Variants in ZCCHC24 observed in about 807,000 individuals in gnomAD.
The protein encoded by ZCCHC24 is zinc finger CCHC domain-containing protein 24.
In ZCCHC24, 10 loss-of-function variants were observed where a neutral mutation model predicts 26.2. That is an observed-to-expected ratio of 0.38 (90% CI 0.24 to 0.65). ZCCHC24 has a LOEUF of 0.65. ZCCHC24 is among the 30% of genes least tolerant of loss of function. The probability of loss-of-function intolerance (pLI) is 0.54; values close to 1 mark genes in which losing one functional copy is unlikely to be tolerated. For synonymous variants in ZCCHC24, 144 were observed against 147.1 expected (o/e 0.98, Z 0.15); for missense variants, 243 against 329.1 (o/e 0.74, Z 2.03).
chr10:79,440,954 A>T (rs1376634058), intron 1 of ZCCHC24, among the ~76,000 whole-genome samples: 2 of 152,014 alleles, frequency 1.3e-5, no homozygotes, highest in African/African-American at 2.4e-5. Context: ...TTCTCAAATG[A>T]CGGTCCTCCT....
At chr10:79,430,679 A>AC (rs1857112368) in intron 2 of ZCCHC24, among the ~76,000 whole-genome samples, 3 of 107,158 alleles carry the variant, frequency 2.8e-5, no homozygotes, top group African/African-American at 4.2e-5. Flanking sequence ...ACACTCACAC[A>AC]CACACACCAC....
chr10:79,412,406 C>T lies in ZCCHC24; in HGVS notation c.448-17966G>A, dbSNP rs549813350. ...AGGGGCGGACATGCCCGTGTACACC[C>T]TCGCCCCTTGGCAGCCCCGCGTACG... On this transcript the variant is annotated intron_variant, in intron 2 of 3. Transcript: ENST00000372336. Among the ~76,000 whole-genome samples, 573 of 152,378 alleles carry T rather than the reference C, an allele frequency of 3.8e-3. 3 individuals carry two copies. The highest frequency in any genetic ancestry group is 5.2e-3 in the Non-Finnish European group (352 of 68,040).
intron 3 of ZCCHC24, 115 bp downstream of exon 3, chr10:79,394,157 GGAAA>G (rs2132177830): frequency 2.9e-6 from 4 of 1,379,120 alleles, no homozygotes; most frequent in South Asian, 2.9e-5. Context: ...GATGAGACAA[GGAAA>G]GAAAGGGTCA....
rs182174826 is a variant in ZCCHC24, at chr10:79,422,167, A to G, written c.447+10391T>C. 6.6e-5 allele frequency among the ~76,000 whole-genome samples: 10 copies of G among 152,288 alleles called. No homozygotes were observed. In the East Asian group the frequency reaches 1.9e-3, roughly 29 times the overall value. ...ACCATACCCCTCATCCTCTATCCCT[A>G]TGCCACTCAGCTCTGGGGTTCTGAG... is the stretch of plus-strand genomic sequence containing the variant. On this transcript the variant is annotated intron_variant, in intron 2 of 3. Coordinates refer to ENST00000372336, the MANE Select transcript of ZCCHC24 (RefSeq NM_153367.4).
intron 2 of ZCCHC24, among the ~76,000 whole-genome samples, chr10:79,420,098 T>C (rs1856917458): frequency 9.2e-6 from 1 of 108,362 alleles, no homozygotes; most frequent in African/African-American, 3.6e-5. Context: ...CAGCAGCTGC[T>C]CCTAGGCAAG....
At chr10:79,388,681 G>A (rs762068230) in intron 3 of ZCCHC24, among the ~76,000 whole-genome samples, 2 of 152,196 alleles carry the variant, frequency 1.3e-5, no homozygotes, top group Non-Finnish European at 2.9e-5. Flanking sequence ...AGGCCAAAAA[G>A]GCCAGACTCA....
chr10:79,432,721 T>C lies in ZCCHC24; in HGVS notation c.284A>G (p.Tyr95Cys), dbSNP rs1046481578. The C allele has an allele frequency of 4.3e-6, 7 of 1,610,194 alleles. No homozygotes were observed. Among genetic ancestry groups the C allele is most frequent in the Non-Finnish European group, 8.5e-7 (1 of 1,178,568 alleles). The change falls in exon 2 of 4, where the codon TAT (tyrosine) becomes TGT (cysteine). Residue 95 changes from tyrosine (Y) to cysteine (C), a missense_variant. Physicochemically the swap from Tyr to Cys is radical, Grantham distance 194 (BLOSUM62 -2). Coordinates refer to ENST00000372336, the MANE Select transcript of ZCCHC24 (RefSeq NM_153367.4). The stretch of plus-strand genomic sequence containing the variant: ...ATCGGCGATGTTGTTGAGGGAGCCA[T>C]AGGGTGAGGCGCCCTTGTACACACT... ...SNSVYKGASP[Y>C]GSLNNIADGL...
chr10:79,424,646 T>C (rs1344887527), intron 2 of ZCCHC24, among the ~76,000 whole-genome samples: 1 of 152,186 alleles, frequency 6.6e-6, no homozygotes, highest in Non-Finnish European at 1.5e-5. Context: ...TCTTTCAAAA[T>C]GCCAATCTGA....
intron 3 of ZCCHC24, 144 bp downstream of exon 3, chr10:79,394,132 T>C (rs2132177815): frequency 8.3e-7 from 1 of 1,201,726 alleles, no homozygotes; most frequent in East Asian, 2.5e-5. Flanking sequence ...TTCCCTTCCC[T>C]TCCCTCCCAT....
At chr10:79,440,831 C>T (rs1177550105) in intron 1 of ZCCHC24, among the ~76,000 whole-genome samples, 1 of 152,182 alleles carries the variant, frequency 6.6e-6, no homozygotes, top group East Asian at 1.9e-4. Flanking sequence ...GTCTGCTTTC[C>T]TCCCTCCCAC....
At chr10:79,387,008 C>T (rs993276277) in intron 3 of ZCCHC24, among the ~76,000 whole-genome samples, 5 of 152,218 alleles carry the variant, frequency 3.3e-5, no homozygotes, top group African/African-American at 9.6e-5. Flanking sequence ...ACTCGCAGCC[C>T]TGCTTGTGTG....
chr10:79,411,457 A>G (rs1477586026), intron 2 of ZCCHC24, among the ~76,000 whole-genome samples: 1 of 152,204 alleles, frequency 6.6e-6, no homozygotes, highest in Non-Finnish European at 1.5e-5. Flanking sequence ...ACAATTCTTC[A>G]GAGCCATGAA....
intron 2 of ZCCHC24, chr10:79,403,356 G>C (rs1856663803): frequency 1.0e-6 from 1 of 983,664 alleles, no homozygotes; most frequent in Non-Finnish European, 1.2e-6. Context: ...CTGAGCCCCT[G>C]GCTTTTCCTT....
intron 2 of ZCCHC24, among the ~76,000 whole-genome samples, chr10:79,404,239 A>G (rs2132187711): frequency 6.6e-6 from 1 of 152,352 alleles, no homozygotes; most frequent in Middle Eastern, 3.4e-3. Flanking sequence ...CCCAGAAGGC[A>G]GCAAGAAGCC....
intron 1 of ZCCHC24, among the ~76,000 whole-genome samples, chr10:79,438,267 G>A (rs1857243543): frequency 6.6e-6 from 1 of 152,152 alleles, no homozygotes; most frequent in Admixed American, 6.5e-5. Context: ...TTTGGGACAA[G>A]AGATCATTCA....
At chr10:79,439,792 C>CAAAA (rs3997794) in intron 1 of ZCCHC24, among the ~76,000 whole-genome samples, 16,238 of 115,552 alleles carry the variant, frequency 0.14, 1,097 homozygotes, top group East Asian at 0.17. Flanking sequence ...CAGACTCCAT[C>CAAAA]AAAAAAAAAA....
chr10:79,421,058 G>C (rs1001920077), intron 2 of ZCCHC24, among the ~76,000 whole-genome samples: 1 of 152,176 alleles, frequency 6.6e-6, no homozygotes, highest in African/African-American at 2.4e-5. Context: ...GGCTGTGCTC[G>C]AAGGCACCTC....
rs757667308 is a variant in ZCCHC24 at position 79,394,020 on chromosome 10, C to T, written c.612+256G>A. Reference sequence around the variant, plus strand: ...GAGTTTTCTGCTGCTTCCTGCTGTCCGCACATCTCTGTCTCACAACAGCAC... The same window carrying T: ...GAGTTTTCTGCTGCTTCCTGCTGTCTGCACATCTCTGTCTCACAACAGCAC... On this transcript the variant is annotated intron_variant, in intron 3 of 3. Coordinates refer to ENST00000372336, the MANE Select transcript of ZCCHC24 (RefSeq NM_153367.4). Among the ~76,000 whole-genome samples, 6 of 152,342 alleles carry T rather than the reference C, an allele frequency of 3.9e-5. No homozygotes were observed. In the South Asian group the frequency reaches 1.0e-3, roughly 26 times the overall value.
intron 2 of ZCCHC24, among the ~76,000 whole-genome samples, chr10:79,421,476 C>A (rs985593342): frequency 6.7e-6 from 1 of 149,256 alleles, no homozygotes; most frequent in Non-Finnish European, 1.5e-5. Context: ...TCTTTCCTTT[C>A]TTCCTTTCTT....
Sources: allele counts gnomAD v4.1 joint callset (sites outside exome capture counted in the v4.1 genomes callset), GRCh38; gene constraint gnomAD v4.1.1; transcripts MANE v1.5; gene names NCBI Gene and HGNC (gene_info 2026-07-23, HGNC 2026-07-21).